RABGAP1: variants seen among roughly 807,000 people sequenced by gnomAD.
The protein encoded by RABGAP1 is RAB GTPase activating protein 1.
A neutral mutation model predicts 137.6 loss-of-function variants in RABGAP1; 23 were observed. That is an observed-to-expected ratio of 0.17 (90% confidence interval 0.12 to 0.24). The LOEUF (loss-of-function observed/expected upper bound fraction) is 0.24. Ranked by LOEUF, RABGAP1 falls within the 10% of genes least tolerant of loss-of-function variation. RABGAP1 has a pLI of 1.00. For missense variants in RABGAP1, 906 were observed against 1,275.8 expected (o/e 0.71, Z 4.42); for synonymous variants, 451 against 450.7 (o/e 1.00, Z -0.01).
chr9:123,011,144 C>G (rs920170645), intron 11 of RABGAP1, among the ~76,000 whole-genome samples: 4 of 150,432 alleles, frequency 2.7e-5, no homozygotes, highest in Non-Finnish European at 5.9e-5. Context: ...TTCTAACTTA[C>G]TACCAGGGCT....
intron 14 of RABGAP1, among the ~76,000 whole-genome samples, chr9:123,067,018 A>C (rs904332810): frequency 6.6e-6 from 1 of 152,168 alleles, no homozygotes; most frequent in African/African-American, 2.4e-5. Flanking sequence ...CTAATTTTTT[A>C]ATACTACATC....
At chr9:123,047,943 T>G (rs1404075099) in intron 13 of RABGAP1, among the ~76,000 whole-genome samples, 32 of 95,306 alleles carry the variant, frequency 3.4e-4, no homozygotes, top group African/African-American at 1.3e-3. Flanking sequence ...TTTTTTTTTT[T>G]TTTTTTTTTT....
chr9:123,081,925 A>C (rs2034720850), intron 19 of RABGAP1, among the ~76,000 whole-genome samples: 1 of 152,154 alleles, frequency 6.6e-6, no homozygotes, highest in African/African-American at 2.4e-5. Context: ...TCTGACTCTT[A>C]TGTTCCCAAT....
intron 11 of RABGAP1, among the ~76,000 whole-genome samples, chr9:123,011,650 C>A (rs2030819177): frequency 6.6e-6 from 1 of 152,060 alleles, no homozygotes; most frequent in South Asian, 2.1e-4. Flanking sequence ...TTATTGTTAA[C>A]CTAACTTTGC....
intron 2 of RABGAP1, among the ~76,000 whole-genome samples, chr9:122,969,929 C>T (rs1835385217): frequency 6.6e-6 from 1 of 152,122 alleles, no homozygotes; most frequent in Admixed American, 6.6e-5. Context: ...CAGAGTTTTG[C>T]TCTGTTGCCC....
chr9:123,073,691 C>G lies in RABGAP1; in HGVS notation c.2109+14C>G. The G allele has an allele frequency of 6.2e-7, 1 of 1,613,456 alleles. No homozygotes were observed. The highest frequency in any genetic ancestry group is 8.5e-7 in the Non-Finnish European group (1 of 1,179,684). ...CGCCTCATGCAGGTAAAAAGAGAAA[C>G]CAGCTTGTGTTTGACAAAAAGAGTA... On this transcript the variant is annotated intron_variant, in intron 16 of 25. Transcript: ENST00000373647.
chr9:123,083,092 G>A (rs1243511533), intron 19 of RABGAP1, among the ~76,000 whole-genome samples: 2 of 152,194 alleles, frequency 1.3e-5, no homozygotes, highest in African/African-American at 4.8e-5. Context: ...GAGACATAGA[G>A]AATTGATGTA....
intron 13 of RABGAP1, chr9:123,034,321 C>T (rs2032484449): frequency 3.7e-6 from 2 of 538,956 alleles, no homozygotes; most frequent in East Asian, 3.0e-5. Flanking sequence ...GTGAACCTGG[C>T]ACTATGGCCG....
At chr9:123,017,687 A>G (rs983653495) in intron 12 of RABGAP1, among the ~76,000 whole-genome samples, 2 of 152,196 alleles carry the variant, frequency 1.3e-5, no homozygotes, top group Middle Eastern at 3.2e-3. Context: ...TAAAATTACC[A>G]TTTGTAATTA....
chr9:123,090,730 G>C (rs2035009283), intron 21 of RABGAP1, among the ~76,000 whole-genome samples: 1 of 152,230 alleles, frequency 6.6e-6, no homozygotes, highest in Admixed American at 6.5e-5. Context: ...CAGACAGGAA[G>C]AGATTTTGTT....
At position 123,104,598 on chromosome 9, in the gene RABGAP1, C is replaced by T. The variant is rs1221150194; in HGVS notation, c.*1385C>T. On this transcript the variant is annotated 3_prime_UTR_variant, in exon 26 of 26. Transcript: ENST00000373647. ...CTCTTTTTCTTATTGGCTGTACTAACGCTTGCTGAGGTTATCTGTAATAAG... is the reference window on the plus strand; with the variant it reads ...CTCTTTTTCTTATTGGCTGTACTAATGCTTGCTGAGGTTATCTGTAATAAG... The T allele has an allele frequency of 6.6e-6, 1 of 152,358 alleles. No individual in the cohort carries two copies. Among genetic ancestry groups the T allele is most frequent in the Non-Finnish European group, 1.5e-5 (1 of 68,056 alleles). The allele number at this position is 152,358 out of a possible 1,614,324, so 9.4% of individuals were successfully genotyped here.
At chr9:123,081,266 T>G (rs2034697944) in intron 19 of RABGAP1, among the ~76,000 whole-genome samples, 1 of 152,230 alleles carries the variant, frequency 6.6e-6, no homozygotes, top group Non-Finnish European at 1.5e-5. Context: ...AGTAAGTAAA[T>G]TCTGGGGGAG....
At chr9:123,078,376 A>G (rs2034588286) in intron 19 of RABGAP1, among the ~76,000 whole-genome samples, 2 of 152,208 alleles carry the variant, frequency 1.3e-5, no homozygotes, top group South Asian at 2.1e-4. Context: ...GCTTGGTACT[A>G]TGGTTAAGTG....
In RABGAP1 at chr9:122,981,854, G is replaced by A. The variant is rs10985848; in HGVS notation, c.151-2631G>A. On this transcript the variant is annotated intron_variant, in intron 2 of 25. Transcript: ENST00000373647. ...ACTTGAGGTCAGGAGTTCAAGACCA[G>A]CCTGGCCAACATGGCAAAACGCCGT... is the stretch of plus-strand genomic sequence containing the variant. Among the ~76,000 whole-genome samples the A allele has an allele frequency of 5.4e-4, 82 of 152,306 alleles. 2 individuals carry two copies. In the South Asian group the frequency reaches 0.017, roughly 31 times the overall value.
chr9:123,035,733 CT>C (rs2032618902), intron 13 of RABGAP1: 2 of 666,948 alleles, frequency 3.0e-6, no homozygotes, highest in Non-Finnish European at 5.0e-6. Flanking sequence ...GGACAGAATA[CT>C]TTGACTCTAA....
At chr9:123,098,252 A>G (rs1013759573) in intron 22 of RABGAP1, among the ~76,000 whole-genome samples, 1 of 152,250 alleles carries the variant, frequency 6.6e-6, no homozygotes, top group East Asian at 1.9e-4. Flanking sequence ...ACCTGCAGGC[A>G]TGGGAAGAGC....
chr9:122,981,453 AT>A (rs1467130545), intron 2 of RABGAP1, among the ~76,000 whole-genome samples: 1 of 152,184 alleles, frequency 6.6e-6, no homozygotes, highest in Non-Finnish European at 1.5e-5. Flanking sequence ...AATACTGATA[AT>A]TTTTTTGGAT....
At chr9:122,961,982 T>G (rs979299279) in intron 2 of RABGAP1, among the ~76,000 whole-genome samples, 1 of 152,116 alleles carries the variant, frequency 6.6e-6, no homozygotes, top group Non-Finnish European at 1.5e-5. Flanking sequence ...AAGCTGTAAA[T>G]GTACATTGGT....
chr9:122,993,447 CT>C (rs967191207), intron 6 of RABGAP1, among the ~76,000 whole-genome samples: 28 of 151,880 alleles, frequency 1.8e-4, no homozygotes, highest in African/African-American at 5.8e-4. Flanking sequence ...ACTTTTTGTA[CT>C]TTTAGTAGAG....
Sources: gnomAD v4.1 joint callset for allele counts (sites outside exome capture counted in the v4.1 genomes callset) on GRCh38, gnomAD v4.1.1 for gene constraint, MANE v1.5 for transcripts, NCBI Gene and HGNC (gene_info 2026-07-23, HGNC 2026-07-21) for gene names.